The following THADA variants were observed in gnomAD, a reference collection of about 807,000 sequenced individuals.
THADA encodes the protein tRNA (32-2'-O)-methyltransferase regulator THADA.
THADA carries 213 observed loss-of-function variants against 219.8 expected under a neutral mutation model. The observed-to-expected ratio is 0.97, with a 90% CI of 0.87 to 1.09. THADA has a LOEUF of 1.09. Among genes scored for constraint, THADA ranks in the 50% least tolerant of loss-of-function variants. The pLI, the probability that THADA is intolerant of heterozygous loss-of-function variation, is 0.00. For missense variants in THADA, 2,956 were observed against 2,311.3 expected (o/e 1.28, Z -5.72); for synonymous variants, 1,018 against 828.9 (o/e 1.23, Z -3.92).
intron 28 of THADA, among the ~76,000 whole-genome samples, chr2:43,423,790 T>A (rs1678051768): frequency 6.6e-6 from 1 of 152,092 alleles, no homozygotes; most frequent in African/African-American, 2.4e-5. Context: ...GACTGGAACT[T>A]GAAACTTGCT....
chr2:43,486,954 A>G (rs546616064), intron 25 of THADA, among the ~76,000 whole-genome samples: 2 of 152,356 alleles, frequency 1.3e-5, no homozygotes, highest in East Asian at 3.9e-4. Flanking sequence ...GACTCAAGTC[A>G]TGCATGGTAG....
chr2:43,405,657 G>A (rs1271855831), intron 28 of THADA, among the ~76,000 whole-genome samples: 1 of 152,180 alleles, frequency 6.6e-6, no homozygotes, highest in Non-Finnish European at 1.5e-5. Flanking sequence ...TTTCTTGGAA[G>A]AGTAATGAGT....
At chr2:43,286,776 T>C (rs779021555) in intron 35 of THADA, 132 bp downstream of exon 35, 28 of 1,013,936 alleles carry the variant, frequency 2.8e-5, no homozygotes, top group Admixed American at 1.0e-4. Flanking sequence ...ACTAAGACGG[T>C]AGGAATATAA....
chr2:43,534,562 C>G (rs1694310855), intron 21 of THADA, among the ~76,000 whole-genome samples: 1 of 152,136 alleles, frequency 6.6e-6, no homozygotes, highest in South Asian at 2.1e-4. Flanking sequence ...TGAGAACATG[C>G]AGTGCTTAAT....
chr2:43,304,332 C>A (rs369669037), intron 31 of THADA, among the ~76,000 whole-genome samples: 1 of 152,182 alleles, frequency 6.6e-6, no homozygotes, highest in South Asian at 2.1e-4. Context: ...AAGCAGCAGT[C>A]AGTATCCATG....
intron 24 of THADA, among the ~76,000 whole-genome samples, chr2:43,504,910 G>A (rs1163308492): frequency 6.6e-6 from 1 of 152,150 alleles, no homozygotes; most frequent in African/African-American, 2.4e-5. Flanking sequence ...AAAAAGGAGT[G>A]TCCTACTATG....
intron 36 of THADA, among the ~76,000 whole-genome samples, chr2:43,256,686 C>G (rs973653789): frequency 6.6e-6 from 1 of 151,736 alleles, no homozygotes; most frequent in African/African-American, 2.4e-5. Context: ...TCAAGTGATC[C>G]TCCTCCCTCA....
chr2:43,585,824 G>C (rs890693684), intron 7 of THADA, among the ~76,000 whole-genome samples: 11 of 151,790 alleles, frequency 7.2e-5, no homozygotes, highest in African/African-American at 2.7e-4. Context: ...GAGGAAAAGA[G>C]TTCTTTCACT....
At chr2:43,448,570 T>TC (rs1185045460) in intron 26 of THADA, among the ~76,000 whole-genome samples, 3 of 150,396 alleles carry the variant, frequency 2.0e-5, no homozygotes, top group Non-Finnish European at 4.4e-5. Flanking sequence ...CTTTTTTTTT[T>TC]TTTTTTTTTG....
chr2:43,255,904 C>T (rs921703732), intron 36 of THADA, among the ~76,000 whole-genome samples: 4 of 152,144 alleles, frequency 2.6e-5, no homozygotes, highest in East Asian at 1.9e-4. Context: ...AGCCATTTGA[C>T]GTGTGTAGCC....
intron 3 of THADA, 135 bp downstream of exon 3, chr2:43,591,817 A>AAG (rs1701610212): frequency 3.9e-6 from 2 of 512,252 alleles, no homozygotes; most frequent in Non-Finnish European, 6.3e-6. Context: ...ATAAACAGAA[A>AAG]AAAAAAAATA....
In THADA at chr2:43,415,192, T is replaced by C. The variant is rs559620416; in HGVS notation, c.4058+12908A>G. ...AAGTAATTTATGTTTCATTGAGATG[T>C]CCATTTTAGAAGGGATCAAAACCAT... On this transcript the variant is annotated intron_variant, in intron 28 of 37. Transcript: ENST00000405975. Among the ~76,000 whole-genome samples the C allele has an allele frequency of 3.9e-5, 6 of 152,360 alleles. No homozygotes were observed. In the South Asian group the frequency reaches 1.2e-3, roughly 32 times the overall value.
chr2:43,292,148 T>C lies in THADA; in HGVS notation c.4893A>G (p.Pro1631=). 6.2e-7 allele frequency: 1 copy of C among 1,611,930 alleles called. No individual in the cohort carries two copies. Among genetic ancestry groups the C allele is most frequent in the South Asian group, 1.1e-5 (1 of 90,354 alleles). ...PQTEHCVHLT[P]KEFLIWTMDI... Reference sequence around the variant, plus strand: ...CCATCGTCCAGATCAAGAACTCCTTTGGGGTCAGATGGACACAGTGCTCCG... The same window carrying C: ...CCATCGTCCAGATCAAGAACTCCTTCGGGGTCAGATGGACACAGTGCTCCG... Residue 1631 remains proline, a synonymous_variant, in exon 33 of 38, where the codon CCA becomes CCG. Coordinates refer to ENST00000405975, the MANE Select transcript of THADA (RefSeq NM_022065.5).
intron 22 of THADA, among the ~76,000 whole-genome samples, chr2:43,514,765 T>TACA (rs1160746248): frequency 3.3e-5 from 3 of 92,146 alleles, no homozygotes; most frequent in African/African-American, 9.0e-5. Context: ...ATATAATATG[T>TACA]ATAATATATA....
intron 28 of THADA, among the ~76,000 whole-genome samples, chr2:43,426,910 G>A (rs938137934): frequency 6.6e-6 from 1 of 152,104 alleles, no homozygotes; most frequent in African/African-American, 2.4e-5. Flanking sequence ...CTTCTGAAAG[G>A]TTTCATGAGA....
chr2:43,351,866 A>G (rs1668304811), intron 29 of THADA, among the ~76,000 whole-genome samples: 1 of 152,224 alleles, frequency 6.6e-6, no homozygotes, highest in African/African-American at 2.4e-5. Flanking sequence ...TCTAAATTCT[A>G]TAAAGTAATT....
chr2:43,485,088 C>G (rs1305350157), intron 26 of THADA, 146 bp downstream of exon 26: 1 of 542,592 alleles, frequency 1.8e-6, no homozygotes, highest in East Asian at 3.2e-5. Context: ...TATAACTTGG[C>G]AGCATAGGTT....
At chr2:43,463,425 G>A (rs566449677) in intron 26 of THADA, among the ~76,000 whole-genome samples, 28 of 152,156 alleles carry the variant, frequency 1.8e-4, no homozygotes, top group Non-Finnish European at 2.5e-4. Flanking sequence ...TATATAGGGC[G>A]TGATTGACAG....
At chr2:43,364,008 G>T (rs1442366119) in intron 29 of THADA, among the ~76,000 whole-genome samples, 1 of 152,130 alleles carries the variant, frequency 6.6e-6, no homozygotes, top group Admixed American at 6.5e-5. Context: ...GATTGCTTGA[G>T]CTCACAAGTT....
Sources: allele counts gnomAD v4.1 joint callset (sites outside exome capture counted in the v4.1 genomes callset), GRCh38; gene constraint gnomAD v4.1.1; transcripts MANE v1.5; gene names NCBI Gene and HGNC (gene_info 2026-07-23, HGNC 2026-07-21).